The following RASGRP3 variants were observed in gnomAD, a reference collection of about 807,000 sequenced individuals.
The protein encoded by RASGRP3 is RAS guanyl releasing protein 3.
Under a neutral mutation model 82.7 loss-of-function variants are expected in RASGRP3, and 54 were observed. That is an observed-to-expected ratio of 0.65 (90% CI 0.52 to 0.82). The LOEUF (loss-of-function observed/expected upper bound fraction) is 0.82, where lower values mean the gene tolerates loss of function less well. Ranked by LOEUF, RASGRP3 falls within the 40% of genes least tolerant of loss-of-function variation. The probability of loss-of-function intolerance (pLI) is 0.00; values close to 1 mark genes in which losing one functional copy is unlikely to be tolerated. For missense variants in RASGRP3, 861 were observed against 828.9 expected, an observed-to-expected ratio of 1.04 and a Z score of -0.48; for synonymous variants, 309 against 300.5, an observed-to-expected ratio of 1.03 and a Z score of -0.29.
At position 33,464,110 on chromosome 2, in the gene RASGRP3, A is replaced by AATAATAATT. The variant is rs1398514920; in HGVS notation, c.-261+16169_-261+16170insAATAATTAT. ...AATATTCAAACTTAATAATAATAAT[A>AATAATAATT]ATTATTATTATTATTATTATTATTA... On this transcript the variant is annotated intron_variant, in intron 2 of 18. Coordinates refer to the RASGRP3 transcript ENST00000402538. Among the ~76,000 whole-genome samples the AATAATAATT allele has an allele frequency of 6.9e-3, 995 of 144,224 alleles. 11 individuals carry two copies. The highest frequency in any genetic ancestry group is 0.025 in the African/African-American group (956 of 38,498). The allele number at this position is 144,224 out of a possible 152,430, so 94.6% of individuals were successfully genotyped here.
intron 1 of RASGRP3, chr2:33,447,726 A>T (rs1665580256): frequency 6.6e-6 from 1 of 152,170 alleles, no homozygotes; most frequent in East Asian, 1.9e-4. Flanking sequence ...CACCCGGCCC[A>T]TGTCTGTGTT....
chr2:33,447,461 A>G (rs1298028686), intron 1 of RASGRP3, among the ~76,000 whole-genome samples: 1 of 150,264 alleles, frequency 6.7e-6, no homozygotes, highest in African/African-American at 2.4e-5. Flanking sequence ...TTTGAGACAG[A>G]GTTTCACTTG....
Position 33,534,472 on chromosome 2 carries a change from C to T in RASGRP3, c.1161+72C>T, listed in dbSNP as rs181860980. On this transcript the variant is annotated intron_variant, in intron 11 of 17. Coordinates refer to ENST00000403687, the MANE Select transcript of RASGRP3 (RefSeq NM_001139488.2). ...TGTCATGTACAGTAATTGGCTATTA[C>T]AATGCTGCTTTATGTTCTAAAACGG... 31 of 959,050 alleles carry T rather than the reference C, an allele frequency of 3.2e-5. No individual in the cohort carries two copies. In the African/African-American group the frequency reaches 4.2e-4, roughly 13 times the overall value. 59.4% of individuals were successfully genotyped at this position (959,050 alleles called of 1,614,324 possible). A position where few individuals can be genotyped will look rare whatever the true frequency, so the allele number is the denominator to read the frequency against.
At chr2:33,480,848 A>T (rs2150936448) in intron 1 of RASGRP3, among the ~76,000 whole-genome samples, 1 of 152,210 alleles carries the variant, frequency 6.6e-6, no homozygotes, top group Admixed American at 6.5e-5. Context: ...TGCTGTTTCA[A>T]GTGATTATTA....
rs1463456194 is a variant in RASGRP3 at position 33,520,011 on chromosome 2, T to C, written c.233T>C (p.Met78Thr). The C allele has an allele frequency of 1.3e-6, 2 of 1,599,362 alleles. No individual in the cohort carries two copies. Among genetic ancestry groups the C allele is most frequent in the Non-Finnish European group, 8.5e-7 (1 of 1,170,854 alleles). ...TTTCGATTAAAGATCTGCTACTTCA[T>C]GAGGTAAATATATTTACAAATTTAA... ...NEFRLKICYF[M>T]RYWILKFPAE... The change falls in exon 5 of 18, where the codon ATG becomes ACG. Residue 78 changes from methionine (M) to threonine (T), a missense_variant. Coordinates refer to ENST00000403687, the MANE Select transcript of RASGRP3 (RefSeq NM_001139488.2).
chr2:33,439,024 G>T (rs1015993095), intron 1 of RASGRP3, among the ~76,000 whole-genome samples: 1 of 152,152 alleles, frequency 6.6e-6, no homozygotes, highest in Non-Finnish European at 1.5e-5. Context: ...CCTGACGCTG[G>T]GTGGGGTAGA....
intron 1 of RASGRP3, among the ~76,000 whole-genome samples, chr2:33,498,802 A>G (rs1242035840): frequency 6.6e-6 from 1 of 152,006 alleles, no homozygotes; most frequent in African/African-American, 2.4e-5. Context: ...GCCCCTGATC[A>G]TAACTTCTGT....
intron 1 of RASGRP3, among the ~76,000 whole-genome samples, chr2:33,480,135 A>C (rs1349987630): frequency 1.4e-5 from 2 of 146,478 alleles, no homozygotes; most frequent in African/African-American, 5.1e-5. Flanking sequence ...CTCCGCCTCC[A>C]GGATTCACAC....
At chr2:33,465,174 C>T (rs1485716629) in intron 2 of RASGRP3, among the ~76,000 whole-genome samples, 1 of 152,174 alleles carries the variant, frequency 6.6e-6, no homozygotes, top group Non-Finnish European at 1.5e-5. Context: ...ACATGAATGA[C>T]AAGAAAGCAA....
chr2:33,534,120 G>A (rs925765981), intron 10 of RASGRP3: 19 of 545,564 alleles, frequency 3.5e-5, no homozygotes, highest in African/African-American at 2.7e-4. Flanking sequence ...GATGGTTCTC[G>A]TCAATACTGA....
At chr2:33,533,577 T>G (rs1165291556) in intron 10 of RASGRP3, 2 of 152,216 alleles carry the variant, frequency 1.3e-5, no homozygotes. Context: ...ATCATTTCCA[T>G]TTTCCAGATG....
chr2:33,441,881 CAG>C (rs1449595848), intron 1 of RASGRP3, among the ~76,000 whole-genome samples: 2 of 152,104 alleles, frequency 1.3e-5, no homozygotes, highest in African/African-American at 4.8e-5. Flanking sequence ...CTATTCATAA[CAG>C]ATACATTTTG....
intron 14 of RASGRP3, among the ~76,000 whole-genome samples, chr2:33,550,188 C>G (rs1005746355): frequency 2.6e-5 from 4 of 152,138 alleles, no homozygotes; most frequent in Non-Finnish European, 5.9e-5. Flanking sequence ...AAGAAAAAAT[C>G]TTTTTGGAGA....
chr2:33,521,305 T>A (rs1254758646), intron 6 of RASGRP3, among the ~76,000 whole-genome samples: 1 of 152,220 alleles, frequency 6.6e-6, no homozygotes, highest in Non-Finnish European at 1.5e-5. Flanking sequence ...TAGGTAACTT[T>A]GCACAGGGAA....
chr2:33,461,130 C>G (rs553553151), intron 2 of RASGRP3, among the ~76,000 whole-genome samples: 114 of 152,328 alleles, frequency 7.5e-4, no homozygotes, highest in African/African-American at 2.6e-3. Context: ...CTTCCAATCC[C>G]TTGCCTCTCA....
intron 1 of RASGRP3, among the ~76,000 whole-genome samples, chr2:33,446,627 G>A (rs376240996): frequency 1.3e-5 from 2 of 152,098 alleles, no homozygotes; most frequent in African/African-American, 4.8e-5. Context: ...TGATTGTCCA[G>A]TTCTCCTTGG....
intron 13 of RASGRP3, among the ~76,000 whole-genome samples, chr2:33,547,053 GAAAAAA>G (rs767124838): frequency 0.21 from 26,457 of 123,824 alleles, 2,847 homozygotes; most frequent in African/African-American, 0.25. Flanking sequence ...CTGTCTCAGG[GAAAAAA>G]AAAAAAAAAA....
At chr2:33,486,999 C>A (rs964557760) in intron 1 of RASGRP3, among the ~76,000 whole-genome samples, 7 of 151,988 alleles carry the variant, frequency 4.6e-5, no homozygotes, top group Non-Finnish European at 7.4e-5. Flanking sequence ...GATAATTAAC[C>A]CCCATTTATT....
chr2:33,495,782 C>T (rs1669252429), intron 1 of RASGRP3, among the ~76,000 whole-genome samples: 1 of 152,176 alleles, frequency 6.6e-6, no homozygotes, highest in Non-Finnish European at 1.5e-5. Flanking sequence ...AGTTCACTTT[C>T]CTCTTAAATC....
Sources: gnomAD v4.1 joint callset for allele counts (sites outside exome capture counted in the v4.1 genomes callset) on GRCh38, gnomAD v4.1.1 for gene constraint, MANE v1.5 for transcripts, NCBI Gene and HGNC (gene_info 2026-07-23, HGNC 2026-07-21) for gene names.